SUMF1: variants seen among roughly 807,000 people sequenced by gnomAD.
SUMF1 encodes the protein sulfatase modifying factor 1.
In SUMF1, 48 loss-of-function variants were observed where a neutral mutation model predicts 47.6. That is an observed-to-expected ratio of 1.01 (90% CI 0.80 to 1.28). The LOEUF is 1.28. Ranked by LOEUF, SUMF1 falls within the 50% of genes most tolerant of loss-of-function variation. SUMF1 has a pLI of 0.00. For synonymous variants in SUMF1, 230 were observed against 192.1 expected (o/e 1.20, Z -1.63); for missense variants, 571 against 485.4 (o/e 1.18, Z -1.66).
At chr3:4,180,788 G>C (rs1045960219) in intron 8 of SUMF1, among the ~76,000 whole-genome samples, 1 of 151,168 alleles carries the variant, frequency 6.6e-6, no homozygotes, top group African/African-American at 2.4e-5. Context: ...GGGAGGTTGA[G>C]GTTACAGTGA....
intron 8 of SUMF1, among the ~76,000 whole-genome samples, chr3:4,312,718 A>C (rs1369160186): frequency 2.0e-5 from 3 of 151,534 alleles, no homozygotes; most frequent in Non-Finnish European, 2.9e-5. Flanking sequence ...AAAAAAAAAA[A>C]AAACTTGTTT....
intron 8 of SUMF1, among the ~76,000 whole-genome samples, chr3:4,125,789 C>T (rs998997844): frequency 6.6e-6 from 1 of 152,162 alleles, no homozygotes; most frequent in Non-Finnish European, 1.5e-5. Flanking sequence ...ATCCTCCTGT[C>T]TCAGCACCCT....
intron 8 of SUMF1, among the ~76,000 whole-genome samples, chr3:4,266,223 G>C (rs1266201030): frequency 6.6e-6 from 1 of 152,068 alleles, no homozygotes; most frequent in Non-Finnish European, 1.5e-5. Context: ...GCTCTTTTTT[G>C]GTTCCGTATG....
intron 8 of SUMF1, among the ~76,000 whole-genome samples, chr3:4,334,219 A>C (rs1371059679): frequency 6.6e-6 from 1 of 152,230 alleles, no homozygotes; most frequent in Non-Finnish European, 1.5e-5. Flanking sequence ...ATCAGCTTCT[A>C]ATTAAATTGA....
intron 8 of SUMF1, among the ~76,000 whole-genome samples, chr3:4,186,835 T>A (rs1431028602): frequency 6.6e-6 from 1 of 152,294 alleles, no homozygotes; most frequent in South Asian, 2.1e-4. Flanking sequence ...AATGAAGATG[T>A]AATGAGCCAC....
intron 8 of SUMF1, among the ~76,000 whole-genome samples, chr3:4,149,180 C>T (rs1005362738): frequency 1.3e-5 from 2 of 152,046 alleles, no homozygotes; most frequent in Non-Finnish European, 2.9e-5. Context: ...TTTAAAGATG[C>T]TGTATTACTT....
rs141123919 is a variant in SUMF1, at chr3:4,101,811, T to G, written c.1015-33066A>C. On this transcript the variant is annotated intron_variant and NMD_transcript_variant, in intron 8 of 12. Transcript: ENST00000448413. ...TTTTATTAAAATGTGCTATTTACTG[T>G]ATTATTTCATTCTCACACTGCTATA... Among the ~76,000 whole-genome samples the G allele has an allele frequency of 6.6e-5, 10 of 152,246 alleles. No individual in the cohort carries two copies. In the East Asian group the frequency reaches 1.9e-3, roughly 29 times the overall value.
At chr3:4,394,721 G>C (rs937465833) in intron 7 of SUMF1, among the ~76,000 whole-genome samples, 9 of 152,150 alleles carry the variant, frequency 5.9e-5, no homozygotes, top group Non-Finnish European at 2.9e-5. Flanking sequence ...TCAGAAGACT[G>C]ATACAAGGGA....
At chr3:4,200,804 A>T (rs773422559) in intron 8 of SUMF1, among the ~76,000 whole-genome samples, 3 of 152,138 alleles carry the variant, frequency 2.0e-5, no homozygotes, top group Non-Finnish European at 2.9e-5. Context: ...TTGTTCCAGC[A>T]TGTTTTTCTG....
intron 8 of SUMF1, among the ~76,000 whole-genome samples, chr3:4,241,000 A>G (rs1198260241): frequency 2.0e-5 from 3 of 152,118 alleles, no homozygotes; most frequent in Non-Finnish European, 4.4e-5. Context: ...TATGAAGTAG[A>G]TTTTGGCACC....
chr3:4,162,968 C>G (rs1694612909), intron 8 of SUMF1, among the ~76,000 whole-genome samples: 2 of 151,774 alleles, frequency 1.3e-5, no homozygotes, highest in Admixed American at 1.3e-4. Context: ...CTTCACAGAA[C>G]TACAAACTCA....
chr3:4,256,635 A>G (rs1195428030), intron 8 of SUMF1, among the ~76,000 whole-genome samples: 1 of 151,528 alleles, frequency 6.6e-6, no homozygotes, highest in African/African-American at 2.4e-5. Context: ...TAGTTTACCA[A>G]CCAAATAGAG....
chr3:4,249,312 T>C (rs891360689), intron 8 of SUMF1, among the ~76,000 whole-genome samples: 3 of 152,242 alleles, frequency 2.0e-5, no homozygotes, highest in East Asian at 3.8e-4. Flanking sequence ...TTCACAGATA[T>C]TTCATTGTTT....
chr3:4,143,821 G>A (rs1402219185), intron 8 of SUMF1, among the ~76,000 whole-genome samples: 2 of 152,062 alleles, frequency 1.3e-5, no homozygotes, highest in Non-Finnish European at 2.9e-5. Flanking sequence ...AACAGTTGCA[G>A]CATCTGGGAG....
intron 8 of SUMF1, chr3:4,303,448 G>A: frequency 6.5e-7 from 1 of 1,546,362 alleles, no homozygotes; most frequent in Non-Finnish European, 8.7e-7. Flanking sequence ...CCCCGACTGA[G>A]CAGCTGGATG....
intron 8 of SUMF1, among the ~76,000 whole-genome samples, chr3:4,329,568 C>T (rs1307900474): frequency 2.0e-5 from 3 of 152,348 alleles, no homozygotes; most frequent in South Asian, 2.1e-4. Context: ...CTAGGCTGCA[C>T]ACAGCAGCAA....
intron 8 of SUMF1, among the ~76,000 whole-genome samples, chr3:4,349,378 T>C (rs146750911): frequency 0.014 from 2,057 of 152,328 alleles, 54 homozygotes; most frequent in African/African-American, 0.046. Context: ...GTGTTTACAT[T>C]GTTGGTGGGA....
chr3:4,202,074 G>A (rs1207262698), intron 8 of SUMF1, among the ~76,000 whole-genome samples: 15 of 151,850 alleles, frequency 9.9e-5, no homozygotes, highest in Admixed American at 9.8e-4. Context: ...ACTGTTGATT[G>A]TTTCCTTTGC....
chr3:4,252,625 G>A (rs909584372), intron 8 of SUMF1, among the ~76,000 whole-genome samples: 3 of 152,078 alleles, frequency 2.0e-5, no homozygotes, highest in African/African-American at 7.2e-5. Context: ...AAAAAACTAG[G>A]AAAGTTGAAA....
Sources: gnomAD v4.1 joint callset for allele counts (sites outside exome capture counted in the v4.1 genomes callset) on GRCh38, gnomAD v4.1.1 for gene constraint, MANE v1.5 for transcripts, NCBI Gene and HGNC (gene_info 2026-07-23, HGNC 2026-07-21) for gene names.